Variants in PKHD1 observed in about 807,000 individuals in gnomAD.
The protein encoded by PKHD1 is fibrocystin.
PKHD1 carries 291 observed loss-of-function variants against 412.0 expected under a neutral mutation model. The ratio of observed to expected loss-of-function variants is 0.71; its 90% CI spans 0.64 to 0.78. The LOEUF is 0.78. Among genes scored for constraint, PKHD1 ranks in the 30% least tolerant of loss-of-function variants. The pLI is 0.00. For synonymous variants in PKHD1, 1,777 were observed against 1,821.5 expected, an observed-to-expected ratio of 0.98 and a Z score of 0.62; for missense variants, 4,825 against 4,950.7, an observed-to-expected ratio of 0.97 and a Z score of 0.76.
At chr6:51,982,903 G>A (rs1212916170) in intron 35 of PKHD1, among the ~76,000 whole-genome samples, 2 of 49,080 alleles carry the variant, frequency 4.1e-5, no homozygotes, top group Non-Finnish European at 1.1e-4. Context: ...AAAAAAGAGA[G>A]GCTCCAAAGT....
chr6:51,699,872 G>C (rs544352075), intron 60 of PKHD1, among the ~76,000 whole-genome samples: 1 of 148,742 alleles, frequency 6.7e-6, no homozygotes, highest in South Asian at 2.1e-4. Flanking sequence ...TATTATGCTG[G>C]GAATAGTATT....
chr6:51,884,122 G>A lies in PKHD1; in HGVS notation c.7216-895C>T, dbSNP rs143721271. On this transcript the variant is annotated intron_variant, in intron 45 of 66. Transcript: ENST00000371117. ...GAGACAGAGTTGTGCTTATGTTTAC[G>A]TCTTTGACCAATTTTTTGCTAATTT... 1.1e-3 allele frequency among the ~76,000 whole-genome samples: 170 copies of A among 152,234 alleles called. 2 individuals carry two copies. Among genetic ancestry groups the A allele is most frequent in the African/African-American group, 3.9e-3 (160 of 41,556 alleles).
rs58433463 is a variant in PKHD1, at chr6:51,637,605, TA to T, written c.11506+1243del. Among the ~76,000 whole-genome samples the T allele has an allele frequency of 3.0e-3, 442 of 146,504 alleles. 2 individuals are homozygous for T. Among genetic ancestry groups the T allele is most frequent in the Middle Eastern group, 0.011 (3 of 284 alleles). ...TGATCTCAGAAGATAGTCTTTTTGT[TA>T]AAAAAAAAAAAAATCCAGGCTGGGC... is the stretch of plus-strand genomic sequence containing the variant. On this transcript the variant is annotated intron_variant, in intron 64 of 66. Transcript: ENST00000371117.
chr6:52,048,300 G>T (rs558193618), intron 23 of PKHD1, among the ~76,000 whole-genome samples, 192 bp downstream of exon 23: 3 of 152,346 alleles, frequency 2.0e-5, no homozygotes, highest in Non-Finnish European at 4.4e-5. Context: ...AAATGTAAAG[G>T]TTGGGGTAGC....
chr6:52,084,962 A>C lies in PKHD1; in HGVS notation c.-29T>G, dbSNP rs1812547434. On this transcript the variant is annotated 5_prime_UTR_variant, in exon 2 of 67. Transcript: ENST00000371117. ...GTCCACTTAAATCAATACTCTTAAG[A>C]TTGCTCAGACATTAAAAGCATTTTC... 6.7e-7 allele frequency: 1 copy of C among 1,492,648 alleles called. No homozygotes were observed. Among genetic ancestry groups the C allele is most frequent in the African/African-American group, 1.4e-5 (1 of 72,598 alleles). 92.5% of individuals were successfully genotyped at this position (1,492,648 alleles called of 1,614,324 possible). A position where few individuals can be genotyped will look rare whatever the true frequency, so the allele number is the denominator to read the frequency against.
At chr6:51,978,130 C>T (rs963125338) in intron 35 of PKHD1, among the ~76,000 whole-genome samples, 1 of 152,132 alleles carries the variant, frequency 6.6e-6, no homozygotes, top group Non-Finnish European at 1.5e-5. Context: ...CTCATCTCTC[C>T]TCTCAGGCCA....
At chr6:51,689,484 G>A (rs909529044) in intron 60 of PKHD1, among the ~76,000 whole-genome samples, 6 of 152,190 alleles carry the variant, frequency 3.9e-5, no homozygotes, top group Non-Finnish European at 4.4e-5. Context: ...AGTACTGGAA[G>A]TTCTGGCCAG....
chr6:52,079,865 A>C (rs1299601795), intron 5 of PKHD1, 35 bp downstream of exon 5: 1 of 1,159,758 alleles, frequency 8.6e-7, no homozygotes, highest in Non-Finnish European at 1.3e-6. Context: ...CCCTTAGACT[A>C]TGTAAACATA....
Position 51,647,296 on chromosome 6 carries a change from C to T in PKHD1, c.11398+735G>A, listed in dbSNP as rs556383554. ...AACTTAGAACTCAGAAACTATTTTT[C>T]CCATAAAAATCATGTTACACCTGCT... is the stretch of plus-strand genomic sequence containing the variant. On this transcript the variant is annotated intron_variant, in intron 63 of 66. Coordinates refer to ENST00000371117, the MANE Select transcript of PKHD1 (RefSeq NM_138694.4). Among the ~76,000 whole-genome samples, 6 of 152,212 alleles carry T rather than the reference C, an allele frequency of 3.9e-5. No individual in the cohort carries two copies. The South Asian group carries it at 1.2e-3, about 32-fold the overall frequency.
At chr6:51,950,711 T>C (rs1790241684) in intron 36 of PKHD1, among the ~76,000 whole-genome samples, 1 of 152,312 alleles carries the variant, frequency 6.6e-6, no homozygotes, top group African/African-American at 2.4e-5. Flanking sequence ...TAGGTGTCCG[T>C]AGGCTGGTGA....
At chr6:51,782,863 G>T (rs1192377432) in intron 53 of PKHD1, among the ~76,000 whole-genome samples, 1 of 152,032 alleles carries the variant, frequency 6.6e-6, no homozygotes, top group East Asian at 1.9e-4. Flanking sequence ...TCTCAGGTTT[G>T]TCTCCTTCTT....
At chr6:51,924,809 T>C (rs555413214) in intron 37 of PKHD1, among the ~76,000 whole-genome samples, 236 of 152,310 alleles carry the variant, frequency 1.5e-3, no homozygotes, top group Non-Finnish European at 1.3e-3. Flanking sequence ...CCATCCCATC[T>C]TTAGACTAAT....
At position 51,835,383 on chromosome 6, in the gene PKHD1, G is replaced by A. The variant is rs545677488; in HGVS notation, c.8173+1021C>T. Among the ~76,000 whole-genome samples, 14 of 152,280 alleles carry A rather than the reference G, an allele frequency of 9.2e-5. No individual in the cohort carries two copies. In the East Asian group the frequency reaches 2.5e-3, roughly 27 times the overall value. ...TTTGAACATAGAAACTTTCAAAGAA[G>A]AGAAAACTATCCTTTTCCTTATAAC... On this transcript the variant is annotated intron_variant, in intron 51 of 66. Transcript: ENST00000371117.
chr6:51,656,750 T>G (rs752620232), intron 61 of PKHD1, among the ~76,000 whole-genome samples: 1 of 151,290 alleles, frequency 6.6e-6, no homozygotes, highest in African/African-American at 2.4e-5. Context: ...AACCTCTCTC[T>G]CCCAGGCTAA....
intron 35 of PKHD1, among the ~76,000 whole-genome samples, chr6:51,994,083 A>C (rs1371370450): frequency 1.2e-4 from 18 of 152,066 alleles, no homozygotes; most frequent in Non-Finnish European, 2.9e-5. Flanking sequence ...CATCGATAGA[A>C]TCGAGTCTGC....
chr6:52,061,249 G>A (rs996527962), intron 14 of PKHD1, among the ~76,000 whole-genome samples: 4 of 152,150 alleles, frequency 2.6e-5, no homozygotes, highest in African/African-American at 9.7e-5. Flanking sequence ...GGAGTGCAGT[G>A]GTGTGATCAT....
At position 52,027,900 on chromosome 6, in the gene PKHD1, C is replaced by G; in HGVS notation, c.3561-4G>C. ...GTACTGGATGTGGAGATCAACCCTA[C>G]AGAAGATAGGCAGATGTTTAGGAAA... On this transcript the variant is annotated splice_polypyrimidine_tract_variant and splice_region_variant and intron_variant, in intron 30 of 66. Coordinates refer to ENST00000371117, the MANE Select transcript of PKHD1 (RefSeq NM_138694.4). The G allele has an allele frequency of 6.2e-7, 1 of 1,609,050 alleles. No individual in the cohort carries two copies. The highest frequency in any genetic ancestry group is 8.5e-7 in the Non-Finnish European group (1 of 1,175,404).
Position 52,048,621 on chromosome 6 carries a change from T to G in PKHD1, c.2280-2A>C. On this transcript the variant is annotated splice_acceptor_variant, in intron 22 of 66. Coordinates refer to ENST00000371117, the MANE Select transcript of PKHD1 (RefSeq NM_138694.4). LOFTEE classifies it high-confidence loss of function. The stretch of plus-strand genomic sequence containing the variant: ...TCTGTTCCTTCAGTGGGCACAGAGC[T>G]GTGGCACGTCAGAAACAAAGTATTA... The G allele has an allele frequency of 6.2e-7, 1 of 1,614,094 alleles. No homozygotes were observed. The highest frequency in any genetic ancestry group is 8.5e-7 in the Non-Finnish European group (1 of 1,179,978).
At chr6:51,922,873 A>G (rs1388290482) in intron 37 of PKHD1, among the ~76,000 whole-genome samples, 1 of 152,206 alleles carries the variant, frequency 6.6e-6, no homozygotes, top group Non-Finnish European at 1.5e-5. Context: ...AGGAAAGGGA[A>G]TTCCACAACC....
Sources: gnomAD v4.1 joint callset for allele counts (sites outside exome capture counted in the v4.1 genomes callset) on GRCh38, gnomAD v4.1.1 for gene constraint, MANE v1.5 for transcripts, NCBI Gene and HGNC (gene_info 2026-07-23, HGNC 2026-07-21) for gene names.